PLXDC2: variants seen among roughly 807,000 people sequenced by gnomAD.
PLXDC2 encodes plexin domain containing 2, also known as plexin domain-containing protein 2.
In PLXDC2, 40 loss-of-function variants were observed where a neutral mutation model predicts 68.9. The ratio of observed to expected loss-of-function variants is 0.58; its 90% confidence interval spans 0.45 to 0.76. The LOEUF (loss-of-function observed/expected upper bound fraction) is 0.76, where lower values mean the gene tolerates loss of function less well. PLXDC2 is among the 30% of genes least tolerant of loss of function. PLXDC2 has a pLI of 0.00. For missense variants in PLXDC2, 644 were observed against 661.9 expected, an observed-to-expected ratio of 0.97 and a Z score of 0.30; for synonymous variants, 243 against 234.2, an observed-to-expected ratio of 1.04 and a Z score of -0.34.
At chr10:19,952,939 A>G (rs1834013806) in intron 1 of PLXDC2, among the ~76,000 whole-genome samples, 1 of 152,044 alleles carries the variant, frequency 6.6e-6, no homozygotes, top group African/African-American at 2.4e-5. Context: ...ATCTCAGCTC[A>G]CTGCAACTTC....
chr10:20,044,122 T>TCCTC lies in PLXDC2; in HGVS notation c.325-2734_325-2731dup, dbSNP rs754844827. Among the ~76,000 whole-genome samples, 16 of 99,782 alleles carry TCCTC rather than the reference T, an allele frequency of 1.6e-4. 2 individuals carry two copies. In the South Asian group the frequency reaches 3.9e-3, roughly 24 times the overall value. The allele number at this position is 99,782 out of a possible 152,430, so 65.5% of individuals were successfully genotyped here. A position where few individuals can be genotyped will look rare whatever the true frequency, so the allele number is the denominator to read the frequency against. Reference sequence around the variant, plus strand: ...TTCCTTCCTTCCTTCCTTCCTTCCTTCCTCCCTCCCTCCCTCTCTCTCTTT... The same window carrying TCCTC: ...TTCCTTCCTTCCTTCCTTCCTTCCTTCCTCCCTCCCTCCCTCCCTCTCTCTCTTT... On this transcript the variant is annotated intron_variant, in intron 2 of 13. Transcript: ENST00000377252.
At chr10:20,236,410 A>G (rs988520868) in intron 12 of PLXDC2, among the ~76,000 whole-genome samples, 8 of 152,284 alleles carry the variant, frequency 5.3e-5, no homozygotes, top group African/African-American at 1.9e-4. Context: ...ACACCACTGC[A>G]CTCCAGCCTG....
chr10:20,271,660 A>G (rs1270188858), intron 13 of PLXDC2, among the ~76,000 whole-genome samples: 1 of 152,146 alleles, frequency 6.6e-6, no homozygotes, highest in African/African-American at 2.4e-5. Context: ...ATGGTCAGAT[A>G]AAGGAGAGAA....
chr10:19,869,744 G>A (rs553618016), intron 1 of PLXDC2, among the ~76,000 whole-genome samples: 30 of 151,986 alleles, frequency 2.0e-4, no homozygotes, highest in Admixed American at 1.5e-3. Flanking sequence ...TAATAACAAT[G>A]CTAGAACCAT....
chr10:20,173,624 T>A (rs1398797793), intron 7 of PLXDC2, among the ~76,000 whole-genome samples: 1 of 152,242 alleles, frequency 6.6e-6, no homozygotes, highest in Admixed American at 6.5e-5. Flanking sequence ...CGCTCAGATT[T>A]AATTTTTCTT....
chr10:20,044,219 T>G (rs868383941), intron 2 of PLXDC2, among the ~76,000 whole-genome samples: 267 of 14,682 alleles, frequency 0.018, 7 homozygotes, highest in African/African-American at 0.063. Context: ...CTGTCTTTCT[T>G]TCTTTCTTTC....
intron 1 of PLXDC2, among the ~76,000 whole-genome samples, chr10:19,938,125 C>T (rs1361865023): frequency 6.6e-6 from 1 of 152,090 alleles, no homozygotes; most frequent in Non-Finnish European, 1.5e-5. Flanking sequence ...ACATTACATA[C>T]AGGAAATGTT....
chr10:19,883,892 T>TTTTTTTTTTTTTTTTTTTTTTTTTC (rs1837787757), intron 1 of PLXDC2, among the ~76,000 whole-genome samples: 1 of 90,762 alleles, frequency 1.1e-5, no homozygotes, highest in African/African-American at 4.5e-5. Context: ...AACTTTTTTT[T>TTTTTTTTTTTTTTTTTTTTTTTTTC]TTTTTTTTTT....
chr10:20,146,072 A>G (rs1324137188), intron 5 of PLXDC2, among the ~76,000 whole-genome samples: 5 of 152,234 alleles, frequency 3.3e-5, no homozygotes, highest in African/African-American at 7.2e-5. Flanking sequence ...ATTGTGTCCA[A>G]GTTCACATGG....
chr10:19,955,458 T>C (rs979109201), intron 1 of PLXDC2, among the ~76,000 whole-genome samples: 1 of 152,134 alleles, frequency 6.6e-6, no homozygotes, highest in Admixed American at 6.5e-5. Flanking sequence ...GGCACCCATA[T>C]TCTCTAACCA....
In PLXDC2 at chr10:20,082,070, A is replaced by AAAAAAAAAC. The variant is rs1554765383; in HGVS notation, c.541+13837_541+13838insAACAAAAAA. On this transcript the variant is annotated intron_variant, in intron 4 of 13. Coordinates refer to ENST00000377252, the MANE Select transcript of PLXDC2 (RefSeq NM_032812.9). ...GAAAAAAAAAAAAAAAAATCAAAAA[A>AAAAAAAAAC]AAAAAACAGGAGAAGTCTGAGAAAC... Among the ~76,000 whole-genome samples the AAAAAAAAAC allele has an allele frequency of 6.6e-3, 802 of 121,818 alleles. 6 individuals carry two copies. Among genetic ancestry groups the AAAAAAAAAC allele is most frequent in the Non-Finnish European group, 0.01 (587 of 56,752 alleles). The allele number at this position is 121,818 out of a possible 152,430, so 79.9% of individuals were successfully genotyped here. A position where few individuals can be genotyped will look rare whatever the true frequency, so the allele number is the denominator to read the frequency against.
At chr10:19,980,920 CTT>C (rs1455224129) in intron 1 of PLXDC2, among the ~76,000 whole-genome samples, 4 of 152,122 alleles carry the variant, frequency 2.6e-5, no homozygotes, top group Non-Finnish European at 5.9e-5. Context: ...GTATTTTTCA[CTT>C]TGAGTTGGTC....
intron 13 of PLXDC2, among the ~76,000 whole-genome samples, chr10:20,255,135 A>G (rs1174436575): frequency 6.6e-6 from 1 of 152,114 alleles, no homozygotes; most frequent in African/African-American, 2.4e-5. Flanking sequence ...TCAATGCTAC[A>G]TAAGACCATG....
intron 1 of PLXDC2, among the ~76,000 whole-genome samples, chr10:19,955,806 G>A (rs564432257): frequency 5.9e-5 from 9 of 152,148 alleles, no homozygotes; most frequent in Non-Finnish European, 8.8e-5. Flanking sequence ...TTGGCTGGGC[G>A]TGGTGGCTCA....
intron 1 of PLXDC2, among the ~76,000 whole-genome samples, chr10:20,000,409 A>G (rs1018948810): frequency 3.3e-5 from 5 of 151,284 alleles, no homozygotes; most frequent in African/African-American, 9.7e-5. Context: ...GAGCTCTAAC[A>G]TTCTATGAGC....
At chr10:20,269,911 G>A (rs1030953635) in intron 13 of PLXDC2, among the ~76,000 whole-genome samples, 5 of 152,030 alleles carry the variant, frequency 3.3e-5, no homozygotes, top group Non-Finnish European at 7.4e-5. Context: ...CCAGCTTCTT[G>A]GGAGGCTGAG....
At chr10:19,942,449 T>G (rs534602219) in intron 1 of PLXDC2, among the ~76,000 whole-genome samples, 1 of 152,314 alleles carries the variant, frequency 6.6e-6, no homozygotes, top group African/African-American at 2.4e-5. Flanking sequence ...CTATCTTACA[T>G]GACTCAAAAC....
intron 4 of PLXDC2, among the ~76,000 whole-genome samples, chr10:20,140,561 A>G (rs573723066): frequency 1.3e-5 from 2 of 152,106 alleles, no homozygotes; most frequent in South Asian, 4.2e-4. Flanking sequence ...TAATTTGCAT[A>G]ACTCTTTCTT....
At chr10:20,130,386 T>A (rs1397144719) in intron 4 of PLXDC2, among the ~76,000 whole-genome samples, 1 of 152,188 alleles carries the variant, frequency 6.6e-6, no homozygotes, top group Non-Finnish European at 1.5e-5. Flanking sequence ...TGTTTATTAA[T>A]GCCAACAGGT....
Sources: gnomAD v4.1 joint callset for allele counts (sites outside exome capture counted in the v4.1 genomes callset) on GRCh38, gnomAD v4.1.1 for gene constraint, MANE v1.5 for transcripts, NCBI Gene and HGNC (gene_info 2026-07-23, HGNC 2026-07-21) for gene names.